The following HCFC2 variants were observed in gnomAD, a reference collection of about 807,000 sequenced individuals.
HCFC2 encodes the protein host cell factor 2.
In HCFC2, 18 loss-of-function variants were observed where a neutral mutation model predicts 89.2. The ratio of observed to expected loss-of-function variants is 0.20; its 90% CI spans 0.14 to 0.30. The LOEUF (loss-of-function observed/expected upper bound fraction) is 0.30. Ranked by LOEUF, HCFC2 falls within the 10% of genes least tolerant of loss-of-function variation. The pLI is 1.00. For synonymous variants in HCFC2, 308 were observed against 335.7 expected, an observed-to-expected ratio of 0.92 and a Z score of 0.90; for missense variants, 578 against 956.1, an observed-to-expected ratio of 0.60 and a Z score of 5.21.
At chr12:104,086,081 T>C (rs1883832505) in intron 7 of HCFC2, among the ~76,000 whole-genome samples, 2 of 142,318 alleles carry the variant, frequency 1.4e-5, no homozygotes, top group Admixed American at 1.5e-4. Context: ...CACTGCAACC[T>C]CCACCTCCCA....
At chr12:104,088,912 C>T (rs935750679) in intron 9 of HCFC2, among the ~76,000 whole-genome samples, 4 of 152,084 alleles carry the variant, frequency 2.6e-5, no homozygotes, top group African/African-American at 9.7e-5. Context: ...CAGTAGTTTC[C>T]TACCCTGTCC....
At chr12:104,077,690 G>A (rs1883546624) in intron 3 of HCFC2, among the ~76,000 whole-genome samples, 1 of 148,958 alleles carries the variant, frequency 6.7e-6, no homozygotes, top group Non-Finnish European at 1.5e-5. Context: ...AATTATATGT[G>A]CTAATTTTGT....
chr12:104,084,409 A>C (rs1241601506), intron 7 of HCFC2, among the ~76,000 whole-genome samples: 1 of 152,200 alleles, frequency 6.6e-6, no homozygotes, highest in Non-Finnish European at 1.5e-5. Flanking sequence ...AGCTACCCAC[A>C]TAAAAAGGCC....
chr12:104,064,755 T>C lies in HCFC2; in HGVS notation c.163+32T>C, dbSNP rs1350697727. ...GCGGCGGCGGCTCGTCGGCCCCGCC[T>C]GCTGGAGCTGCGGAGGGGGAGGGGA... On this transcript the variant is annotated intron_variant, in intron 1 of 14. Coordinates refer to ENST00000229330, the MANE Select transcript of HCFC2 (RefSeq NM_013320.3). The surrounding 1 kb of genome is among the most constrained non-coding windows in gnomAD (Gnocchi z 7.3). 2 of 1,540,400 alleles carry C rather than the reference T, an allele frequency of 1.3e-6. No individual in the cohort carries two copies. Among genetic ancestry groups the C allele is most frequent in the African/African-American group, 2.9e-5 (2 of 69,798 alleles).
intron 3 of HCFC2, among the ~76,000 whole-genome samples, chr12:104,072,209 A>G (rs957913006): frequency 5.9e-5 from 9 of 152,134 alleles, no homozygotes; most frequent in Non-Finnish European, 4.4e-5. Flanking sequence ...CTGTCTCTGC[A>G]AAACATTAGA....
chr12:104,077,717 T>C (rs1328073411), intron 3 of HCFC2, among the ~76,000 whole-genome samples: 1 of 152,122 alleles, frequency 6.6e-6, no homozygotes, highest in Non-Finnish European at 1.5e-5. Context: ...CTTAGTTGCT[T>C]GGAAATTAAC....
At position 104,068,027 on chromosome 12, in the gene HCFC2, C is replaced by T. The variant is rs138359698; in HGVS notation, c.393C>T (p.Ser131=). The change falls in exon 3 of 15, where the codon AGC becomes AGT. Residue 131 remains serine, a synonymous_variant. Transcript: ENST00000229330. The surrounding 1 kb of genome is among the most constrained non-coding windows in gnomAD (Gnocchi z 4.1). ...CTCCTTGTCCTCGGCTTGGACATAG[C>T]TTCTCTTTATATGGTAACAAATGCT... ...GLPPCPRLGH[S]FSLYGNKCYL... 6.8e-6 allele frequency: 11 copies of T among 1,608,604 alleles called. No homozygotes were observed. The African/African-American group carries it at 9.4e-5, about 14-fold the overall frequency.
At chr12:104,082,465 A>T in intron 5 of HCFC2, 35 bp from the exon 6 acceptor site, 1 of 1,310,370 alleles carries the variant, frequency 7.6e-7, no homozygotes, top group Non-Finnish European at 1.1e-6. Flanking sequence ...AAAATGAAAT[A>T]AGCTACTTTA....
At chr12:104,092,326 C>A (rs955560507) in intron 9 of HCFC2, among the ~76,000 whole-genome samples, 2 of 151,900 alleles carry the variant, frequency 1.3e-5, no homozygotes, top group Non-Finnish European at 2.9e-5. Flanking sequence ...ATTAGCTGGG[C>A]ATGCTGGTGT....
Position 104,105,775 on chromosome 12 carries a change from T to TA in HCFC2, c.*2503dup, listed in dbSNP as rs548154627. ...AGCAAGAGAAGTGCATTTAGCTTCT[T>TA]ATGATTTGCACATTTTCTAAATGAA... On this transcript the variant is annotated 3_prime_UTR_variant, in exon 15 of 15. Coordinates refer to ENST00000229330, the MANE Select transcript of HCFC2 (RefSeq NM_013320.3). 11 of 152,216 alleles carry TA rather than the reference T, an allele frequency of 7.2e-5. No individual in the cohort carries two copies. In the East Asian group the frequency reaches 2.1e-3, roughly 29 times the overall value. 9.4% of individuals were successfully genotyped at this position (152,216 alleles called of 1,614,324 possible).
chr12:104,092,855 A>G (rs1884061348), intron 9 of HCFC2, among the ~76,000 whole-genome samples: 1 of 152,214 alleles, frequency 6.6e-6, no homozygotes, highest in Non-Finnish European at 1.5e-5. Context: ...GTTAAGAAAA[A>G]TGTAATTAGG....
intron 5 of HCFC2, 40 bp from the exon 6 acceptor site, chr12:104,082,460 G>A (rs1883711747): frequency 7.8e-7 from 1 of 1,286,754 alleles, no homozygotes; most frequent in African/African-American, 1.5e-5. Flanking sequence ...GAAGTAAAAT[G>A]AAATAAGCTA....
chr12:104,082,949 T>G, intron 7 of HCFC2, 48 bp downstream of exon 7: 2 of 1,380,706 alleles, frequency 1.4e-6, no homozygotes, highest in Non-Finnish European at 2.0e-6. Context: ...AGGTAAGCAC[T>G]CAAATGTCTG....
intron 3 of HCFC2, among the ~76,000 whole-genome samples, chr12:104,071,758 A>G (rs1359731967): frequency 2.0e-5 from 3 of 152,138 alleles, no homozygotes; most frequent in Admixed American, 1.3e-4. Context: ...AACTGACTAC[A>G]CTATTTTACA....
At chr12:104,072,264 T>C (rs1297148058) in intron 3 of HCFC2, among the ~76,000 whole-genome samples, 1 of 151,050 alleles carries the variant, frequency 6.6e-6, no homozygotes, top group Non-Finnish European at 1.5e-5. Context: ...CCCATCTACA[T>C]GGGGGGCCAG....
At chr12:104,096,289 A>G in intron 11 of HCFC2, 71 bp from the exon 12 acceptor site, 2 of 1,004,640 alleles carry the variant, frequency 2.0e-6, no homozygotes, top group Non-Finnish European at 2.9e-6. Context: ...TTAAATATAT[A>G]TTTAAAAATT....
In HCFC2 at chr12:104,087,470, T is replaced by C. The variant is rs200909925; in HGVS notation, c.1231+456T>C. ...GTGTGTGTGTATATATATATACATATATATATATATATATGTATATATATA... is the reference window on the plus strand; with the variant it reads ...GTGTGTGTGTATATATATATACATACATATATATATATATGTATATATATA... On this transcript the variant is annotated intron_variant, in intron 8 of 14. Coordinates refer to ENST00000229330, the MANE Select transcript of HCFC2 (RefSeq NM_013320.3). 5.0e-3 allele frequency among the ~76,000 whole-genome samples: 37 copies of C among 7,342 alleles called. No individual in the cohort carries two copies. The South Asian group carries it at 0.099, about 20-fold the overall frequency. The allele number at this position is 7,342 out of a possible 152,430, so 4.8% of individuals were successfully genotyped here. A position where few individuals can be genotyped will look rare whatever the true frequency, so the allele number is the denominator to read the frequency against.
Position 104,064,695 on chromosome 12 carries a change from C to T in HCFC2, c.135C>T (p.Ile45=). The T allele has an allele frequency of 6.4e-7, 1 of 1,571,438 alleles. No individual in the cohort carries two copies. Among genetic ancestry groups the T allele is most frequent in the South Asian group, 1.2e-5 (1 of 86,882 alleles). ...MIIFGGGNEG[I]ADELHVYNTA... ...TCTTTGGAGGGGGAAATGAGGGCAT[C>T]GCGGATGAGCTGCACGTCTACAACA... The change falls in exon 1 of 15, where the codon ATC becomes ATT. Residue 45 remains isoleucine, a synonymous_variant. Transcript: ENST00000229330. This position sits in a 1 kb window ranked among gnomAD's most constrained non-coding sequence, Gnocchi z 7.3.
At chr12:104,101,347 T>C (rs558288485) in intron 13 of HCFC2, among the ~76,000 whole-genome samples, 1 of 152,174 alleles carries the variant, frequency 6.6e-6, no homozygotes, top group East Asian at 1.9e-4. Context: ...TAGTTGGGTG[T>C]GGTGGCAGGC....
Sources: allele counts gnomAD v4.1 joint callset (sites outside exome capture counted in the v4.1 genomes callset), GRCh38; gene constraint gnomAD v4.1.1; non-coding constraint Gnocchi (gnomAD v3.1); transcripts MANE v1.5; gene names NCBI Gene and HGNC (gene_info 2026-07-23, HGNC 2026-07-21).